Variants in KCND3 observed in about 807,000 individuals in gnomAD.
KCND3 encodes A-type voltage-gated potassium channel KCND3.
A neutral mutation model predicts 51.1 loss-of-function variants in KCND3; 9 were observed. That is an observed-to-expected ratio of 0.18 (90% CI 0.11 to 0.31). The LOEUF is 0.31. Ranked by LOEUF, KCND3 falls within the 10% of genes least tolerant of loss-of-function variation. KCND3 has a pLI of 1.00. For missense variants in KCND3, 526 were observed against 903.8 expected (o/e 0.58, Z 5.36); for synonymous variants, 349 against 368.0 (o/e 0.95, Z 0.59).
intron 2 of KCND3, among the ~76,000 whole-genome samples, chr1:111,861,697 G>A (rs961330492): frequency 7.9e-5 from 12 of 152,178 alleles, no homozygotes; most frequent in Non-Finnish European, 1.8e-4. Context: ...AGGGGTGGAG[G>A]TGCAGGGAGG....
At chr1:111,862,793 G>A (rs1479781283) in intron 2 of KCND3, among the ~76,000 whole-genome samples, 1 of 152,200 alleles carries the variant, frequency 6.6e-6, no homozygotes, top group Non-Finnish European at 1.5e-5. Flanking sequence ...AAAGCATTTG[G>A]AACAGTGTCT....
At chr1:111,938,271 A>T (rs1342807152) in intron 2 of KCND3, among the ~76,000 whole-genome samples, 1 of 152,144 alleles carries the variant, frequency 6.6e-6, no homozygotes, top group Admixed American at 6.5e-5. Flanking sequence ...TGGTTTGTTC[A>T]TTTGCCCATT....
At chr1:111,902,208 G>C (rs1670420685) in intron 2 of KCND3, among the ~76,000 whole-genome samples, 1 of 152,194 alleles carries the variant, frequency 6.6e-6, no homozygotes, top group Admixed American at 6.5e-5. Context: ...GTGGGTCCAG[G>C]CCTCTGGGGA....
At chr1:111,824,531 A>C (rs1370202622) in intron 2 of KCND3, among the ~76,000 whole-genome samples, 1 of 152,226 alleles carries the variant, frequency 6.6e-6, no homozygotes, top group African/African-American at 2.4e-5. Context: ...GGAGATGAGC[A>C]AGGGTTAAAG....
At chr1:111,962,355 G>A (rs565399752) in intron 2 of KCND3, among the ~76,000 whole-genome samples, 73 of 152,298 alleles carry the variant, frequency 4.8e-4, no homozygotes, top group African/African-American at 1.3e-3. Context: ...AGCACAGGGC[G>A]CTGCTGAGAC....
At chr1:111,965,438 C>CCCCCCACACACACACACACA (rs1553184422) in intron 2 of KCND3, among the ~76,000 whole-genome samples, 1 of 72,368 alleles carries the variant, frequency 1.4e-5, no homozygotes, top group East Asian at 5.8e-4. Context: ...GCCAGCAAAA[C>CCCCCCACACACACACACACA]CACACACACA....
chr1:111,776,221 G>A lies in KCND3; in HGVS notation c.1824C>T (p.Ser608=). Residue 608 remains serine, a synonymous_variant, in exon 8 of 8, where the codon TCC becomes TCT. Transcript: ENST00000302127. ...DDGLRPNCKT[S]QITTAIISIP... ...TGCTGATGATGGCTGTGGTGATCTGGGATGTTTTGCAGTTTGGTCTCAGTC... is the reference window on the plus strand; with the variant it reads ...TGCTGATGATGGCTGTGGTGATCTGAGATGTTTTGCAGTTTGGTCTCAGTC... The A allele has an allele frequency of 6.2e-7, 1 of 1,614,216 alleles. No individual in the cohort carries two copies. The highest frequency in any genetic ancestry group is 1.1e-5 in the South Asian group (1 of 91,082).
intron 2 of KCND3, among the ~76,000 whole-genome samples, chr1:111,870,185 C>A (rs1668768857): frequency 1.3e-5 from 2 of 152,168 alleles, no homozygotes; most frequent in Admixed American, 6.5e-5. Context: ...AAGCAACTTG[C>A]CCAAGCTTAC....
At chr1:111,833,063 G>A (rs1423474376) in intron 2 of KCND3, among the ~76,000 whole-genome samples, 2 of 152,264 alleles carry the variant, frequency 1.3e-5, no homozygotes, top group Admixed American at 6.5e-5. Context: ...GGTGACAGCT[G>A]AGCATCTGCA....
chr1:111,800,073 G>A (rs1665232923), intron 2 of KCND3, among the ~76,000 whole-genome samples: 1 of 150,352 alleles, frequency 6.7e-6, no homozygotes, highest in African/African-American at 2.5e-5. Context: ...GGGCCAGGAT[G>A]ATAATGGCGG....
At chr1:111,892,285 ACT>A (rs1032245272) in intron 2 of KCND3, among the ~76,000 whole-genome samples, 3 of 151,646 alleles carry the variant, frequency 2.0e-5, no homozygotes, top group Admixed American at 6.6e-5. Context: ...AGCCCCCTAG[ACT>A]CTCTCTTTCT....
At chr1:111,858,258 C>T (rs1359336346) in intron 2 of KCND3, among the ~76,000 whole-genome samples, 1 of 152,136 alleles carries the variant, frequency 6.6e-6, no homozygotes, top group South Asian at 2.1e-4. Flanking sequence ...TGCCATTTCC[C>T]TGGGCAAACC....
At chr1:111,944,208 T>C (rs1462287574) in intron 2 of KCND3, among the ~76,000 whole-genome samples, 1 of 152,170 alleles carries the variant, frequency 6.6e-6, no homozygotes, top group Non-Finnish European at 1.5e-5. Flanking sequence ...CCTCTGTCCC[T>C]TGTGGAGACC....
intron 2 of KCND3, among the ~76,000 whole-genome samples, chr1:111,798,942 G>T (rs1665173152): frequency 6.6e-6 from 1 of 152,092 alleles, no homozygotes; most frequent in Non-Finnish European, 1.5e-5. Context: ...GCTGGGAGGA[G>T]TCAGCAGTAA....
intron 2 of KCND3, among the ~76,000 whole-genome samples, chr1:111,905,818 C>A (rs958781725): frequency 6.6e-6 from 1 of 152,184 alleles, no homozygotes; most frequent in Non-Finnish European, 1.5e-5. Context: ...AAGTAGAATC[C>A]TTCATGCTGG....
chr1:111,873,986 A>T (rs182313500), intron 2 of KCND3, among the ~76,000 whole-genome samples: 1 of 152,242 alleles, frequency 6.6e-6, no homozygotes, highest in Admixed American at 6.5e-5. Flanking sequence ...CAGGTGGATT[A>T]CACACTGGGC....
chr1:111,842,235 T>C (rs911297932), intron 2 of KCND3, among the ~76,000 whole-genome samples: 18 of 151,982 alleles, frequency 1.2e-4, no homozygotes, highest in African/African-American at 4.3e-4. Flanking sequence ...TGAGGGTGGG[T>C]CAGTGCTGGG....
intron 2 of KCND3, among the ~76,000 whole-genome samples, chr1:111,922,358 G>C (rs1671510215): frequency 6.6e-6 from 1 of 152,220 alleles, no homozygotes. Flanking sequence ...AGGACAGGAG[G>C]GGTTCTTCCC....
At chr1:111,946,824 T>C (rs1490466040) in intron 2 of KCND3, among the ~76,000 whole-genome samples, 1 of 152,206 alleles carries the variant, frequency 6.6e-6, no homozygotes, top group African/African-American at 2.4e-5. Context: ...GAGATAGCTG[T>C]TCAACCAGTG....
Sources: gnomAD v4.1 joint callset for allele counts (sites outside exome capture counted in the v4.1 genomes callset) on GRCh38, gnomAD v4.1.1 for gene constraint, MANE v1.5 for transcripts, NCBI Gene and HGNC (gene_info 2026-07-23, HGNC 2026-07-21) for gene names.